Variants in HS3ST5 observed in about 807,000 individuals in gnomAD.
The protein encoded by HS3ST5 is heparan sulfate-glucosamine 3-sulfotransferase 5.
HS3ST5 carries 10 observed loss-of-function variants against 25.4 expected under a neutral mutation model. That is an observed-to-expected ratio of 0.39 (90% CI 0.24 to 0.67). The LOEUF (loss-of-function observed/expected upper bound fraction) is 0.67. Ranked by LOEUF, HS3ST5 falls within the 30% of genes least tolerant of loss-of-function variation. HS3ST5 has a pLI of 0.44. For synonymous variants in HS3ST5, 170 were observed against 162.4 expected (o/e 1.05, Z -0.36); for missense variants, 324 against 420.7 (o/e 0.77, Z 2.01).
intron 3 of HS3ST5, among the ~76,000 whole-genome samples, chr6:114,146,369 A>C (rs181080545): frequency 6.6e-6 from 1 of 152,228 alleles, no homozygotes; most frequent in African/African-American, 2.4e-5. Flanking sequence ...TCGTTAAAGA[A>C]AGTAGAAGTC....
chr6:114,249,178 A>G (rs1371382647), intron 1 of HS3ST5, among the ~76,000 whole-genome samples: 3 of 152,220 alleles, frequency 2.0e-5, no homozygotes, highest in Non-Finnish European at 2.9e-5. Context: ...TACCTAAAAA[A>G]GTCAACCTCC....
intron 3 of HS3ST5, among the ~76,000 whole-genome samples, chr6:114,129,251 CTTTTTTTT>C (rs398048772): frequency 1.0e-5 from 1 of 98,022 alleles, no homozygotes; most frequent in East Asian, 3.2e-4. Flanking sequence ...CAACAAGAAC[CTTTTTTTT>C]TTTTTTTTTT....
intron 1 of HS3ST5, among the ~76,000 whole-genome samples, chr6:114,281,629 G>C (rs1210589193): frequency 6.6e-6 from 1 of 151,940 alleles, no homozygotes; most frequent in Non-Finnish European, 1.5e-5. Flanking sequence ...AAACTCTGCT[G>C]TCAAGAAGAA....
At chr6:114,320,804 G>T (rs2114878362) in intron 1 of HS3ST5, among the ~76,000 whole-genome samples, 1 of 151,836 alleles carries the variant, frequency 6.6e-6, no homozygotes, top group African/African-American at 2.4e-5. Flanking sequence ...AGAAAACCAT[G>T]AAATATTAGC....
intron 1 of HS3ST5, among the ~76,000 whole-genome samples, chr6:114,292,918 T>C (rs779228893): frequency 1.2e-4 from 18 of 152,166 alleles, no homozygotes; most frequent in Non-Finnish European, 2.5e-4. Flanking sequence ...CATATTTTAG[T>C]ATTGTATTGC....
At chr6:114,311,601 G>C (rs1775538460) in intron 1 of HS3ST5, among the ~76,000 whole-genome samples, 2 of 118,150 alleles carry the variant, frequency 1.7e-5, no homozygotes, top group African/African-American at 6.7e-5. Context: ...GGAGTGCTAT[G>C]GCACAATCTC....
chr6:114,072,723 TG>T (rs1349014481), intron 3 of HS3ST5, among the ~76,000 whole-genome samples: 1 of 152,188 alleles, frequency 6.6e-6, no homozygotes, highest in Non-Finnish European at 1.5e-5. Flanking sequence ...CTGCCCAAGG[TG>T]ATTTATAGAT....
At chr6:114,172,111 T>C (rs1339094669) in intron 2 of HS3ST5, among the ~76,000 whole-genome samples, 3 of 152,192 alleles carry the variant, frequency 2.0e-5, no homozygotes, top group African/African-American at 7.2e-5. Context: ...GGCATTTTAA[T>C]TGTGAGCAGG....
At chr6:114,190,194 G>T (rs1479103732) in intron 2 of HS3ST5, among the ~76,000 whole-genome samples, 4 of 152,132 alleles carry the variant, frequency 2.6e-5, no homozygotes, top group Admixed American at 1.3e-4. Flanking sequence ...CTACATGGAG[G>T]AGTGGGAGAT....
chr6:114,216,868 G>T (rs1582725994), intron 2 of HS3ST5, among the ~76,000 whole-genome samples: 1 of 152,222 alleles, frequency 6.6e-6, no homozygotes, highest in East Asian at 1.9e-4. Context: ...GCTCTCTCAG[G>T]GTAGGCAAGG....
intron 1 of HS3ST5, chr6:114,230,139 T>C (rs1053535132): frequency 6.7e-6 from 1 of 148,224 alleles, no homozygotes; most frequent in African/African-American, 2.5e-5. Context: ...TTTTTTTTTT[T>C]TTTTTTTTGA....
chr6:114,102,629 C>A (rs1329809679), intron 3 of HS3ST5, among the ~76,000 whole-genome samples: 1 of 152,138 alleles, frequency 6.6e-6, no homozygotes, highest in Non-Finnish European at 1.5e-5. Context: ...TTTACATGGT[C>A]TTTGTTTTCC....
intron 1 of HS3ST5, among the ~76,000 whole-genome samples, chr6:114,247,067 T>C (rs1772412985): frequency 6.6e-6 from 1 of 152,228 alleles, no homozygotes; most frequent in African/African-American, 2.4e-5. Context: ...AATGAAGTCA[T>C]TTTTGTAATG....
chr6:114,121,412 T>C (rs1353127605), intron 3 of HS3ST5, among the ~76,000 whole-genome samples: 2 of 152,222 alleles, frequency 1.3e-5, no homozygotes, highest in African/African-American at 4.8e-5. Context: ...AGGACAAATT[T>C]ACTGCCTGTT....
rs1776197213 is a variant in HS3ST5, at chr6:114,326,899, GAAT to G, written c.-339+15293_-339+15295del. On this transcript the variant is annotated intron_variant, in intron 1 of 4. Transcript: ENST00000312719. ...TATTCTTAATAGGATTTAAACATCA[GAAT>G]ATTATAAGACTCAGTAGGGCTTTAA... 7.2e-5 allele frequency among the ~76,000 whole-genome samples: 11 copies of G among 152,212 alleles called. No homozygotes were observed. In the South Asian group the frequency reaches 2.3e-3, roughly 32 times the overall value.
At chr6:114,173,947 C>G (rs1779596714) in intron 2 of HS3ST5, among the ~76,000 whole-genome samples, 1 of 152,162 alleles carries the variant, frequency 6.6e-6, no homozygotes, top group Non-Finnish European at 1.5e-5. Context: ...AATGCAGACT[C>G]TGCCTATTGG....
chr6:114,245,097 T>C (rs1772318053), intron 1 of HS3ST5, among the ~76,000 whole-genome samples: 2 of 152,186 alleles, frequency 1.3e-5, no homozygotes, highest in African/African-American at 4.8e-5. Flanking sequence ...TACTATTCAG[T>C]GTAGAAGATC....
At chr6:114,097,891 A>T (rs957240675) in intron 3 of HS3ST5, among the ~76,000 whole-genome samples, 9 of 152,008 alleles carry the variant, frequency 5.9e-5, no homozygotes, top group Non-Finnish European at 1.2e-4. Context: ...GTAGTGAAAA[A>T]TTTTGTGGGC....
chr6:114,186,503 G>A (rs572747416), intron 2 of HS3ST5, among the ~76,000 whole-genome samples: 1 of 152,146 alleles, frequency 6.6e-6, no homozygotes, highest in Non-Finnish European at 1.5e-5. Context: ...TTCTATGAAG[G>A]CTGAGAGACG....
Sources: allele counts gnomAD v4.1 joint callset (sites outside exome capture counted in the v4.1 genomes callset), GRCh38; gene constraint gnomAD v4.1.1; transcripts MANE v1.5; gene names NCBI Gene and HGNC (gene_info 2026-07-23, HGNC 2026-07-21).